Variants in TEX26 observed in about 807,000 individuals in gnomAD.
TEX26 encodes testis expressed 26.
TEX26 carries 34 observed loss-of-function variants against 35.3 expected under a neutral mutation model. The observed-to-expected ratio is 0.96, with a 90% CI of 0.73 to 1.28. The LOEUF (loss-of-function observed/expected upper bound fraction) is 1.28, where lower values mean the gene tolerates loss of function less well. Ranked by LOEUF, TEX26 falls within the 50% of genes most tolerant of loss-of-function variation. The probability of loss-of-function intolerance (pLI) is 0.00; values close to 1 mark genes in which losing one functional copy is unlikely to be tolerated. For synonymous variants in TEX26, 136 were observed against 111.8 expected (o/e 1.22, Z -1.36); for missense variants, 371 against 330.1 (o/e 1.12, Z -0.96).
rs201472831 is a variant in TEX26 at position 30,956,984 on chromosome 13, C to T, written c.424C>T (p.Gln142Ter). ...MKEVNKALSNQFISLTKRDFV... is the reference protein window; with the variant it reads ...MKEVNKALSN The stretch of plus-strand genomic sequence containing the variant: ...AGAAGTTAACAAGGCACTATCAAAT[C>T]AGTTTATTTCCCTTACTAAGAGAGA... The change falls in exon 4 of 7, where the codon CAG (glutamine) becomes TAG (stop). Residue 142 changes from glutamine (Q) to a stop codon, truncating the protein, a stop_gained. Coordinates refer to ENST00000380473, the MANE Select transcript of TEX26 (RefSeq NM_152325.3). LOFTEE classifies it high-confidence loss of function. 2.0e-5 allele frequency: 32 copies of T among 1,614,206 alleles called. No homozygotes were observed. The East Asian group carries it at 6.2e-4, about 31-fold the overall frequency.
At chr13:30,942,076 G>T (rs9603648) in intron 2 of TEX26, among the ~76,000 whole-genome samples, 2 of 152,168 alleles carry the variant, frequency 1.3e-5, no homozygotes, top group African/African-American at 4.8e-5. Flanking sequence ...AGTTCCTTAA[G>T]AAATATTCAT....
intron 6 of TEX26, among the ~76,000 whole-genome samples, chr13:30,971,770 C>T (rs1162376569): frequency 6.6e-6 from 1 of 152,156 alleles, no homozygotes; most frequent in African/African-American, 2.4e-5. Flanking sequence ...CAAAAGCTTA[C>T]TCATTGGGCA....
At chr13:30,938,784 G>C (rs573797863) in intron 1 of TEX26, among the ~76,000 whole-genome samples, 88 of 152,236 alleles carry the variant, frequency 5.8e-4, no homozygotes, top group African/African-American at 2.1e-3. Flanking sequence ...GATGCCACTG[G>C]CTCCTGGTTT....
intron 2 of TEX26, among the ~76,000 whole-genome samples, chr13:30,941,456 T>C (rs996299045): frequency 6.6e-6 from 1 of 152,222 alleles, no homozygotes; most frequent in African/African-American, 2.4e-5. Flanking sequence ...ATTTATATAT[T>C]TATAAACTTC....
chr13:30,959,700 A>C (rs1191007862), intron 4 of TEX26, among the ~76,000 whole-genome samples: 2 of 152,210 alleles, frequency 1.3e-5, no homozygotes, highest in African/African-American at 4.8e-5. Flanking sequence ...CACTTACCAA[A>C]ATTTTTTCCA....
At chr13:30,966,131 C>A in intron 4 of TEX26, 91 bp from the exon 5 acceptor site, 2 of 1,381,662 alleles carry the variant, frequency 1.4e-6, no homozygotes, top group Non-Finnish European at 1.0e-6. Flanking sequence ...ATACAGGGCA[C>A]ATTGACCATA....
intron 3 of TEX26, among the ~76,000 whole-genome samples, chr13:30,953,028 A>G (rs1953990382): frequency 6.6e-6 from 1 of 152,282 alleles, no homozygotes; most frequent in Admixed American, 6.5e-5. Flanking sequence ...TTTTTAAAAA[A>G]GGACTTTTTA....
chr13:30,952,502 C>T (rs1014725334), intron 2 of TEX26, among the ~76,000 whole-genome samples, 158 bp from the exon 3 acceptor site: 3 of 152,098 alleles, frequency 2.0e-5, no homozygotes, highest in African/African-American at 7.2e-5. Context: ...GGGTTGTTTT[C>T]CTTCAAGGAA....
intron 3 of TEX26, among the ~76,000 whole-genome samples, chr13:30,953,059 G>A (rs540622192): frequency 1.3e-4 from 20 of 152,000 alleles, no homozygotes; most frequent in African/African-American, 4.1e-4. Flanking sequence ...TGAAATTTAC[G>A]TAATATAAAA....
rs773955884 is a variant in TEX26, at chr13:30,932,797, G to T, written c.61+21G>T. 3.7e-6 allele frequency: 6 copies of T among 1,611,752 alleles called. No individual in the cohort carries two copies. The Admixed American group carries it at 6.7e-5, about 18-fold the overall frequency. On this transcript the variant is annotated intron_variant, in intron 1 of 6. Coordinates refer to ENST00000380473, the MANE Select transcript of TEX26 (RefSeq NM_152325.3). The stretch of plus-strand genomic sequence containing the variant: ...GCCAAGTAAGACAGCAGACTCTGCC[G>T]GTCTGCGGGGCGGGGCTGGGGTCTT...
intron 1 of TEX26, among the ~76,000 whole-genome samples, chr13:30,934,315 A>T (rs990559870): frequency 6.6e-6 from 1 of 152,110 alleles, no homozygotes; most frequent in African/African-American, 2.4e-5. Flanking sequence ...TCACCCTCCA[A>T]ATGGTAGGCT....
chr13:30,955,453 G>T lies in TEX26; in HGVS notation c.313-1420G>T, dbSNP rs543911629. ...TTCAATAGATAAATCATAATTTTAT[G>T]TATTGGTTTTTCCAGTTGATAGATT... On this transcript the variant is annotated intron_variant, in intron 3 of 6. Coordinates refer to ENST00000380473, the MANE Select transcript of TEX26 (RefSeq NM_152325.3). Among the ~76,000 whole-genome samples, 35 of 152,302 alleles carry T rather than the reference G, an allele frequency of 2.3e-4. No homozygotes were observed. The South Asian group carries it at 5.8e-3, about 25-fold the overall frequency.
chr13:30,939,738 G>T lies in TEX26; in HGVS notation c.106G>T (p.Ala36Ser), dbSNP rs1953406840. Reference protein sequence around the residue: ...WDSYATTMRTAFTPKTGAVPA... With the variant: ...WDSYATTMRTSFTPKTGAVPA... ...TTCCTATGCTACCACTATGAGGACT[G>T]CATTCACGCCTAAAACAGGAGCAGT... is the stretch of plus-strand genomic sequence containing the variant. Residue 36 changes from alanine (A) to serine (S), a missense_variant, in exon 2 of 7, where the codon GCA becomes TCA. Ala to Ser is a moderately conservative substitution (Grantham distance 99). Coordinates refer to ENST00000380473, the MANE Select transcript of TEX26 (RefSeq NM_152325.3). The T allele has an allele frequency of 1.9e-6, 3 of 1,614,052 alleles. No homozygotes were observed. Among genetic ancestry groups the T allele is most frequent in the Non-Finnish European group, 2.5e-6 (3 of 1,179,934 alleles).
intron 2 of TEX26, among the ~76,000 whole-genome samples, chr13:30,941,989 T>C (rs1198876068): frequency 6.6e-6 from 1 of 152,228 alleles, no homozygotes; most frequent in African/African-American, 2.4e-5. Context: ...CAGTTGTCTT[T>C]TTAATAAAAT....
At chr13:30,936,632 C>T (rs1242687981) in intron 1 of TEX26, 10 of 958,950 alleles carry the variant, frequency 1.0e-5, no homozygotes, top group Non-Finnish European at 1.2e-5. Context: ...TCATAGGATA[C>T]ATAGCTCATC....
chr13:30,966,890 T>TC (rs977842990), intron 5 of TEX26, among the ~76,000 whole-genome samples: 10 of 152,136 alleles, frequency 6.6e-5, no homozygotes, highest in Non-Finnish European at 1.3e-4. Flanking sequence ...TCGCTGCAGC[T>TC]CCCAACCTGT....
Position 30,975,102 on chromosome 13 carries a change from C to T in TEX26, c.*195C>T, listed in dbSNP as rs1954838868. The T allele has an allele frequency of 2.2e-6, 1 of 447,954 alleles. No homozygotes were observed. The highest frequency in any genetic ancestry group is 2.1e-5 in the African/African-American group (1 of 48,516). 27.7% of individuals were successfully genotyped at this position (447,954 alleles called of 1,614,324 possible). ...TTAAGGCTACAAAATTTTCCCTGAA[C>T]ATAGCTTTAGCTGTATCCAATAGTT... is the stretch of plus-strand genomic sequence containing the variant. On this transcript the variant is annotated 3_prime_UTR_variant, in exon 7 of 7. Transcript: ENST00000380473.
intron 1 of TEX26, 49 bp from the exon 2 acceptor site, chr13:30,939,645 C>G (rs1953401810): frequency 6.9e-7 from 1 of 1,451,402 alleles, no homozygotes; most frequent in East Asian, 2.3e-5. Flanking sequence ...AACATTTCTT[C>G]AAAATATTCT....
chr13:30,956,458 G>C (rs1246246645), intron 3 of TEX26, among the ~76,000 whole-genome samples: 1 of 152,082 alleles, frequency 6.6e-6, no homozygotes, highest in Non-Finnish European at 1.5e-5. Flanking sequence ...GGCCATTCCT[G>C]TCCTTCAGCA....
Sources: allele counts gnomAD v4.1 joint callset (sites outside exome capture counted in the v4.1 genomes callset), GRCh38; gene constraint gnomAD v4.1.1; transcripts MANE v1.5; gene names NCBI Gene and HGNC (gene_info 2026-07-23, HGNC 2026-07-21).